NKAIN2: variants seen among roughly 807,000 people sequenced by gnomAD.
The protein encoded by NKAIN2 is sodium/potassium-transporting ATPase subunit beta-1-interacting protein 2.
A neutral mutation model predicts 32.6 loss-of-function variants in NKAIN2; 14 were observed. The ratio of observed to expected loss-of-function variants is 0.43; its 90% CI spans 0.28 to 0.67. The LOEUF (loss-of-function observed/expected upper bound fraction) is 0.67. Among genes scored for constraint, NKAIN2 ranks in the 30% least tolerant of loss-of-function variants. The pLI, the probability that NKAIN2 is intolerant of heterozygous loss-of-function variation, is 0.17. For synonymous variants in NKAIN2, 80 were observed against 87.2 expected, an observed-to-expected ratio of 0.92 and a Z score of 0.46; for missense variants, 198 against 258.3, an observed-to-expected ratio of 0.77 and a Z score of 1.60.
intron 3 of NKAIN2, among the ~76,000 whole-genome samples, chr6:124,645,892 T>C (rs1022632092): frequency 6.6e-6 from 1 of 152,244 alleles, no homozygotes; most frequent in African/African-American, 2.4e-5. Flanking sequence ...GATACTGAGA[T>C]ATCTTTTCTT....
intron 3 of NKAIN2, among the ~76,000 whole-genome samples, chr6:124,530,207 C>T (rs1214708353): frequency 4.6e-5 from 7 of 152,130 alleles, no homozygotes; most frequent in Admixed American, 4.6e-4. Context: ...ACCTTACAGA[C>T]AATATAAACA....
In NKAIN2 at chr6:124,446,338, TTTGTTTG is replaced by T. The variant is rs1775891034; in HGVS notation, c.273+90994_273+91000del. ...TTATAATTGCAAAATATATAAGTTT[TTTGTTTG>T]TTTGTTTGTTTGTTTGAGACAGGGT... On this transcript the variant is annotated intron_variant, in intron 3 of 6. Transcript: ENST00000368417. 2.9e-4 allele frequency among the ~76,000 whole-genome samples: 7 copies of T among 24,370 alleles called. No individual in the cohort carries two copies. The South Asian group carries it at 0.045, about 158-fold the overall frequency. The allele number at this position is 24,370 out of a possible 152,430, so 16.0% of individuals were successfully genotyped here. A position where few individuals can be genotyped will look rare whatever the true frequency, so the allele number is the denominator to read the frequency against.
chr6:123,936,159 A>G (rs1177598408), intron 1 of NKAIN2, among the ~76,000 whole-genome samples: 1 of 152,196 alleles, frequency 6.6e-6, no homozygotes. Context: ...GAAGATAGAA[A>G]GAGAAACCAC....
At chr6:123,938,998 G>A (rs1415050310) in intron 1 of NKAIN2, among the ~76,000 whole-genome samples, 1 of 151,832 alleles carries the variant, frequency 6.6e-6, no homozygotes, top group South Asian at 2.1e-4. Context: ...TAAGAATCAG[G>A]CAATGATTCT....
intron 3 of NKAIN2, among the ~76,000 whole-genome samples, chr6:124,389,337 A>G (rs936773074): frequency 2.6e-5 from 4 of 152,076 alleles, no homozygotes; most frequent in African/African-American, 9.7e-5. Flanking sequence ...CCTATCTGCA[A>G]TTTAAAAATT....
At chr6:124,619,840 C>T (rs590593) in intron 3 of NKAIN2, among the ~76,000 whole-genome samples, 143,332 of 152,222 alleles carry the variant, frequency 0.94, 68,113 homozygotes, top group East Asian at 1. Context: ...TGTGACATCA[C>T]TGAAGAACAC....
chr6:124,022,432 A>T (rs1041383386), intron 1 of NKAIN2, among the ~76,000 whole-genome samples: 4 of 152,138 alleles, frequency 2.6e-5, no homozygotes, highest in Admixed American at 1.3e-4. Context: ...GCTGGGTCAA[A>T]TGGTATTTCT....
At chr6:124,349,260 G>C (rs962376466) in intron 2 of NKAIN2, among the ~76,000 whole-genome samples, 1 of 151,926 alleles carries the variant, frequency 6.6e-6, no homozygotes, top group South Asian at 2.1e-4. Context: ...TGAATCCCAG[G>C]TTACCACACA....
At chr6:124,508,608 G>C (rs908722027) in intron 3 of NKAIN2, among the ~76,000 whole-genome samples, 1 of 152,006 alleles carries the variant, frequency 6.6e-6, no homozygotes, top group African/African-American at 2.4e-5. Context: ...CTCCCAAAGT[G>C]CTGGGATTAC....
intron 1 of NKAIN2, among the ~76,000 whole-genome samples, chr6:123,922,095 T>C (rs1181333400): frequency 6.6e-6 from 1 of 152,236 alleles, no homozygotes; most frequent in Non-Finnish European, 1.5e-5. Flanking sequence ...TGTTTCCTTT[T>C]CTAAAAATCA....
chr6:124,739,035 T>C (rs2114683363), intron 4 of NKAIN2, among the ~76,000 whole-genome samples: 1 of 151,988 alleles, frequency 6.6e-6, no homozygotes, highest in South Asian at 2.1e-4. Context: ...AGATAATGCA[T>C]ATAACTACCA....
At chr6:124,654,342 T>C (rs1295497128) in intron 3 of NKAIN2, among the ~76,000 whole-genome samples, 2 of 152,024 alleles carry the variant, frequency 1.3e-5, no homozygotes, top group Non-Finnish European at 2.9e-5. Flanking sequence ...AGAAAGCATA[T>C]AAATAAATGT....
intron 1 of NKAIN2, among the ~76,000 whole-genome samples, chr6:124,113,671 T>C (rs1351316508): frequency 6.6e-6 from 1 of 152,014 alleles, no homozygotes; most frequent in Non-Finnish European, 1.5e-5. Context: ...GAACATGGGA[T>C]CCAAGCCCTT....
chr6:124,447,312 C>T (rs1775934953), intron 3 of NKAIN2, among the ~76,000 whole-genome samples: 1 of 151,970 alleles, frequency 6.6e-6, no homozygotes, highest in Admixed American at 6.6e-5. Flanking sequence ...GCCTGGTAGT[C>T]AGTAGCCACT....
At chr6:123,979,027 TA>T (rs772138275) in intron 1 of NKAIN2, among the ~76,000 whole-genome samples, 19 of 152,166 alleles carry the variant, frequency 1.2e-4, no homozygotes, top group Non-Finnish European at 1.8e-4. Flanking sequence ...TAGCCTTAGA[TA>T]AAACAAATAT....
At chr6:124,708,995 G>T (rs939992108) in intron 4 of NKAIN2, among the ~76,000 whole-genome samples, 34 of 145,450 alleles carry the variant, frequency 2.3e-4, no homozygotes, top group Non-Finnish European at 1.5e-5. Context: ...TAGCTCTTAT[G>T]ATTTTGAGAT....
intron 4 of NKAIN2, among the ~76,000 whole-genome samples, chr6:124,765,502 T>G (rs1778473387): frequency 6.6e-6 from 1 of 152,192 alleles, no homozygotes; most frequent in Admixed American, 6.6e-5. Flanking sequence ...TTTCATAGAG[T>G]CACACTGGAT....
intron 4 of NKAIN2, among the ~76,000 whole-genome samples, chr6:124,708,471 T>C (rs557404462): frequency 1.8e-3 from 281 of 152,328 alleles, no homozygotes; most frequent in African/African-American, 6.6e-3. Flanking sequence ...TTCCTACCCA[T>C]GAGCATGGAA....
chr6:124,469,873 C>T (rs1353277582), intron 3 of NKAIN2, among the ~76,000 whole-genome samples: 1 of 152,170 alleles, frequency 6.6e-6, no homozygotes, highest in Non-Finnish European at 1.5e-5. Context: ...TCCCCGTCAC[C>T]TCTTCTTATC....
Sources: gnomAD v4.1 joint callset for allele counts (sites outside exome capture counted in the v4.1 genomes callset) on GRCh38, gnomAD v4.1.1 for gene constraint, MANE v1.5 for transcripts, NCBI Gene and HGNC (gene_info 2026-07-23, HGNC 2026-07-21) for gene names.